Variants in THSD7B observed in about 807,000 individuals in gnomAD.
The protein encoded by THSD7B is thrombospondin type 1 domain containing 7B.
In THSD7B, 138 loss-of-function variants were observed where a neutral mutation model predicts 213.6. The ratio of observed to expected loss-of-function variants is 0.65; its 90% CI spans 0.56 to 0.74. The LOEUF (loss-of-function observed/expected upper bound fraction) is 0.74, where lower values mean the gene tolerates loss of function less well. Ranked by LOEUF, THSD7B falls within the 30% of genes least tolerant of loss-of-function variation. The pLI, the probability that THSD7B is intolerant of heterozygous loss-of-function variation, is 0.00. For synonymous variants in THSD7B, 742 were observed against 687.0 expected, an observed-to-expected ratio of 1.08 and a Z score of -1.25; for missense variants, 1,931 against 1,991.5, an observed-to-expected ratio of 0.97 and a Z score of 0.58.
intron 7 of THSD7B, among the ~76,000 whole-genome samples, chr2:137,192,039 T>C (rs1478145369): frequency 1.3e-5 from 2 of 152,120 alleles, no homozygotes; most frequent in African/African-American, 2.4e-5. Context: ...TAGGATGAAT[T>C]GTTGGAAGAG....
intron 2 of THSD7B, among the ~76,000 whole-genome samples, chr2:137,010,432 T>C (rs1353883116): frequency 6.6e-6 from 1 of 152,206 alleles, no homozygotes; most frequent in Non-Finnish European, 1.5e-5. Context: ...AAAATAACAG[T>C]AATGTCTACC....
chr2:137,003,659 A>C (rs1442542413), intron 2 of THSD7B, among the ~76,000 whole-genome samples: 1 of 152,166 alleles, frequency 6.6e-6, no homozygotes, highest in African/African-American at 2.4e-5. Flanking sequence ...GCTTCTCCAG[A>C]AGTCATTCTC....
intron 15 of THSD7B, among the ~76,000 whole-genome samples, chr2:137,533,407 C>T (rs1392158650): frequency 6.6e-6 from 1 of 151,784 alleles, no homozygotes; most frequent in East Asian, 1.9e-4. Context: ...TTCAGACTCA[C>T]CTAAAATTAA....
intron 27 of THSD7B, among the ~76,000 whole-genome samples, chr2:137,674,329 A>G (rs1383130799): frequency 6.6e-6 from 1 of 152,144 alleles, no homozygotes; most frequent in Non-Finnish European, 1.5e-5. Context: ...AAACCAAGAG[A>G]GGTGGGAGGG....
intron 10 of THSD7B, among the ~76,000 whole-genome samples, chr2:137,265,600 C>A (rs932915593): frequency 4.9e-4 from 75 of 152,258 alleles, no homozygotes; most frequent in African/African-American, 1.7e-3. Flanking sequence ...ATGATGCAAG[C>A]AGAATTCTGT....
At chr2:137,545,758 A>G (rs73958880) in intron 15 of THSD7B, among the ~76,000 whole-genome samples, 2,341 of 151,982 alleles carry the variant, frequency 0.015, 62 homozygotes, top group African/African-American at 0.054. Context: ...TGAGCCCATC[A>G]TGAGTCCAGC....
At chr2:137,571,813 C>T (rs139983003) in intron 16 of THSD7B, among the ~76,000 whole-genome samples, 1 of 152,112 alleles carries the variant, frequency 6.6e-6, no homozygotes, top group East Asian at 1.9e-4. Flanking sequence ...TGCTCATTGC[C>T]CTTTGTTTTT....
chr2:137,089,208 C>A (rs1336993686), intron 3 of THSD7B, among the ~76,000 whole-genome samples: 1 of 150,754 alleles, frequency 6.6e-6, no homozygotes, highest in Non-Finnish European at 1.5e-5. Flanking sequence ...TAGAACCAAC[C>A]CAAATGCCCA....
chr2:137,677,331 T>C lies in THSD7B; in HGVS notation c.*726T>C, dbSNP rs77750867. ...TGTACAAATGAAATATGTGGTTAAA[T>C]TGGAGAATGAGGTAGATTATTTGAT... On this transcript the variant is annotated 3_prime_UTR_variant, in exon 28 of 28. Transcript: ENST00000409968. The C allele has an allele frequency of 6.4e-3, 977 of 152,606 alleles. 7 individuals are homozygous for C. The highest frequency in any genetic ancestry group is 0.017 in the Middle Eastern group (5 of 294). 9.5% of individuals were successfully genotyped at this position (152,606 alleles called of 1,614,324 possible).
intron 6 of THSD7B, among the ~76,000 whole-genome samples, chr2:137,169,635 T>A (rs1680203752): frequency 6.6e-6 from 1 of 152,132 alleles, no homozygotes; most frequent in African/African-American, 2.4e-5. Flanking sequence ...CATGCAAAAC[T>A]GTTGGTTTTG....
chr2:137,081,726 C>T (rs937309106), intron 3 of THSD7B, among the ~76,000 whole-genome samples: 1 of 152,088 alleles, frequency 6.6e-6, no homozygotes, highest in African/African-American at 2.4e-5. Context: ...TTAGTAGAAA[C>T]ATTTTCACAT....
intron 12 of THSD7B, among the ~76,000 whole-genome samples, chr2:137,404,502 CACACATAT>C (rs1686461007): frequency 1.4e-5 from 2 of 138,896 alleles, no homozygotes; most frequent in Non-Finnish European, 3.1e-5. Context: ...CACACACACA[CACACATAT>C]ATGTATATAC....
At chr2:136,880,977 C>G (rs1050263675) in intron 1 of THSD7B, among the ~76,000 whole-genome samples, 4 of 152,090 alleles carry the variant, frequency 2.6e-5, no homozygotes, top group African/African-American at 9.7e-5. Context: ...TGTTTTAAAT[C>G]TCATCTTAGT....
Position 137,450,943 on chromosome 2 carries a change from G to A in THSD7B, c.3058G>A (p.Val1020Met). ...TTGCAGTTCATCTTGTGGAATTGGAGTGAGAATTCGATCCAAATGGCTAAA... is the reference window on the plus strand; with the variant it reads ...TTGCAGTTCATCTTGTGGAATTGGAATGAGAATTCGATCCAAATGGCTAAA... ...GSCSSSCGIGVRIRSKWLKEK... is the reference protein window; with the variant it reads ...GSCSSSCGIGMRIRSKWLKEK... The change falls in exon 15 of 28, where the codon GTG (valine) becomes ATG (methionine). Residue 1020 changes from valine (V) to methionine (M), a missense_variant. Transcript: ENST00000409968. 6.2e-7 allele frequency: 1 copy of A among 1,613,424 alleles called. No individual in the cohort carries two copies. Among genetic ancestry groups the A allele is most frequent in the Non-Finnish European group, 8.5e-7 (1 of 1,179,582 alleles).
intron 12 of THSD7B, among the ~76,000 whole-genome samples, chr2:137,334,385 G>A (rs1684591165): frequency 6.6e-6 from 1 of 152,194 alleles, no homozygotes; most frequent in Admixed American, 6.5e-5. Flanking sequence ...AAGAAAGGAA[G>A]TGATGGGAGA....
chr2:136,842,558 G>A (rs1390051287), intron 1 of THSD7B, among the ~76,000 whole-genome samples: 1 of 152,178 alleles, frequency 6.6e-6, no homozygotes, highest in East Asian at 1.9e-4. Flanking sequence ...CTATCTCAGG[G>A]TTATTAGGAG....
chr2:136,966,549 T>G (rs534617), intron 2 of THSD7B, among the ~76,000 whole-genome samples: 2 of 152,072 alleles, frequency 1.3e-5, no homozygotes, highest in African/African-American at 2.4e-5. Flanking sequence ...TTTTTTATTT[T>G]TATTTGAAAA....
At chr2:136,846,312 T>C (rs904507497) in intron 1 of THSD7B, among the ~76,000 whole-genome samples, 3 of 152,172 alleles carry the variant, frequency 2.0e-5, no homozygotes, top group Non-Finnish European at 1.5e-5. Context: ...CACCAGGTAC[T>C]GAGCAGATGT....
chr2:136,816,476 G>T (rs1682476413), intron 1 of THSD7B, among the ~76,000 whole-genome samples: 1 of 152,092 alleles, frequency 6.6e-6, no homozygotes, highest in East Asian at 1.9e-4. Context: ...TAGCTGCATA[G>T]GGTTCCATTG....
Sources: gnomAD v4.1 joint callset for allele counts (sites outside exome capture counted in the v4.1 genomes callset) on GRCh38, gnomAD v4.1.1 for gene constraint, MANE v1.5 for transcripts, NCBI Gene and HGNC (gene_info 2026-07-23, HGNC 2026-07-21) for gene names.